B3GLCT: variants seen among roughly 807,000 people sequenced by gnomAD.
The protein encoded by B3GLCT is beta-1,3-glucosyltransferase.
A neutral mutation model predicts 63.4 loss-of-function variants in B3GLCT; 65 were observed. The ratio of observed to expected loss-of-function variants is 1.03; its 90% CI spans 0.84 to 1.26. The LOEUF (loss-of-function observed/expected upper bound fraction) is 1.26. B3GLCT is among the 50% of genes most tolerant of loss of function. B3GLCT has a pLI of 0.00. For synonymous variants in B3GLCT, 233 were observed against 219.2 expected (o/e 1.06, Z -0.55); for missense variants, 577 against 604.8 (o/e 0.95, Z 0.48).
chr13:31,200,499 C>T (rs1043623227), intron 1 of B3GLCT, among the ~76,000 whole-genome samples: 2 of 150,304 alleles, frequency 1.3e-5, no homozygotes, highest in African/African-American at 2.4e-5. Flanking sequence ...CCACAGGAAG[C>T]GCGCAGGAAC....
At chr13:31,263,968 T>C (rs1042673923) in intron 7 of B3GLCT, among the ~76,000 whole-genome samples, 14 of 152,188 alleles carry the variant, frequency 9.2e-5, no homozygotes, top group African/African-American at 3.4e-4. Context: ...TTATTTCTTA[T>C]AGTTCTGGAG....
intron 1 of B3GLCT, among the ~76,000 whole-genome samples, chr13:31,209,648 G>A (rs1358797695): frequency 6.6e-6 from 1 of 151,890 alleles, no homozygotes; most frequent in Admixed American, 6.6e-5. Context: ...TTTGTGCAGG[G>A]CAGGCAACCA....
intron 10 of B3GLCT, among the ~76,000 whole-genome samples, chr13:31,284,175 C>T (rs971326450): frequency 2.6e-5 from 4 of 152,182 alleles, no homozygotes; most frequent in Non-Finnish European, 5.9e-5. Context: ...TAATATCAGT[C>T]ATCATATGCA....
chr13:31,208,127 A>G (rs528659912), intron 1 of B3GLCT, among the ~76,000 whole-genome samples: 11 of 152,080 alleles, frequency 7.2e-5, no homozygotes, highest in Admixed American at 3.3e-4. Context: ...AGTACTCTGT[A>G]CTTTGACCTT....
intron 12 of B3GLCT, among the ~76,000 whole-genome samples, chr13:31,302,325 C>A (rs1874262547): frequency 6.6e-6 from 1 of 152,052 alleles, no homozygotes; most frequent in Admixed American, 6.5e-5. Context: ...GGGGAGGAGC[C>A]AAGATGGCCG....
At chr13:31,301,458 T>G (rs1389060912) in intron 12 of B3GLCT, among the ~76,000 whole-genome samples, 1 of 152,226 alleles carries the variant, frequency 6.6e-6, no homozygotes, top group Non-Finnish European at 1.5e-5. Flanking sequence ...AGATAAAATG[T>G]CTCTTCCCAT....
intron 1 of B3GLCT, among the ~76,000 whole-genome samples, chr13:31,209,256 G>T (rs781252854): frequency 1.3e-5 from 2 of 152,142 alleles, no homozygotes; most frequent in African/African-American, 4.8e-5. Context: ...TACCTCTGTC[G>T]CTGGGCTGCA....
chr13:31,248,270 T>C (rs1871280881), intron 6 of B3GLCT, among the ~76,000 whole-genome samples: 1 of 152,220 alleles, frequency 6.6e-6, no homozygotes, highest in African/African-American at 2.4e-5. Context: ...AGCAATAAAC[T>C]TAAGTTGGCT....
At chr13:31,294,834 T>C (rs1566086265) in intron 12 of B3GLCT, among the ~76,000 whole-genome samples, 1 of 152,182 alleles carries the variant, frequency 6.6e-6, no homozygotes, top group Non-Finnish European at 1.5e-5. Flanking sequence ...TCATTCTCTG[T>C]CCAGTTTTGT....
intron 2 of B3GLCT, among the ~76,000 whole-genome samples, chr13:31,217,663 G>A (rs944599604): frequency 5.3e-5 from 8 of 152,214 alleles, no homozygotes; most frequent in Middle Eastern, 3.2e-3. Flanking sequence ...TATATGGCTA[G>A]CCAATTATCC....
intron 1 of B3GLCT, among the ~76,000 whole-genome samples, chr13:31,202,458 C>G (rs1868726159): frequency 6.6e-6 from 1 of 152,314 alleles, no homozygotes; most frequent in East Asian, 1.9e-4. Flanking sequence ...CCACCTCTTA[C>G]AGTTTTAACA....
chr13:31,200,332 C>A (rs1868580096), intron 1 of B3GLCT, among the ~76,000 whole-genome samples, 178 bp downstream of exon 1: 1 of 148,610 alleles, frequency 6.7e-6, no homozygotes, highest in Admixed American at 6.7e-5. Context: ...CCTCTCGCGG[C>A]GCCCAGGTGG....
At chr13:31,216,045 G>A (rs1869545192) in intron 2 of B3GLCT, among the ~76,000 whole-genome samples, 1 of 152,164 alleles carries the variant, frequency 6.6e-6, no homozygotes, top group South Asian at 2.1e-4. Context: ...TGTAAAAAAG[G>A]AAACAGTAGT....
chr13:31,272,084 T>G (rs1872593962), intron 8 of B3GLCT, among the ~76,000 whole-genome samples: 1 of 152,072 alleles, frequency 6.6e-6, no homozygotes, highest in African/African-American at 2.4e-5. Flanking sequence ...ACATGCCTTT[T>G]CCCCCCACCC....
intron 12 of B3GLCT, chr13:31,312,553 G>C (rs1874773124): frequency 6.6e-6 from 1 of 152,134 alleles, no homozygotes; most frequent in African/African-American, 2.4e-5. Flanking sequence ...GTACAAGAAA[G>C]AGACCAAAGA....
intron 1 of B3GLCT, among the ~76,000 whole-genome samples, chr13:31,202,847 A>C (rs1868753126): frequency 6.6e-6 from 1 of 152,166 alleles, no homozygotes; most frequent in African/African-American, 2.4e-5. Context: ...AGCCAGTAGT[A>C]AGGATGGTAG....
chr13:31,244,982 C>G (rs1871132107), intron 4 of B3GLCT, among the ~76,000 whole-genome samples: 1 of 151,890 alleles, frequency 6.6e-6, no homozygotes. Flanking sequence ...TATGGAGATA[C>G]AGAGAGACAG....
intron 12 of B3GLCT, among the ~76,000 whole-genome samples, chr13:31,309,855 A>T: frequency 6.6e-6 from 1 of 152,202 alleles, no homozygotes. Flanking sequence ...AGACCTCCTT[A>T]TTCAGACTTT....
Position 31,200,166 on chromosome 13 carries a change from G to A in B3GLCT, c.70+12G>A. 7.7e-7 allele frequency: 1 copy of A among 1,300,804 alleles called. No individual in the cohort carries two copies. The highest frequency in any genetic ancestry group is 9.9e-7 in the Non-Finnish European group (1 of 1,014,068). 80.6% of individuals were successfully genotyped at this position (1,300,804 alleles called of 1,614,324 possible). On this transcript the variant is annotated intron_variant, in intron 1 of 14. Transcript: ENST00000343307. ...CACCTGCTCCCTGGGTAAGTAGCGG[G>A]CGGCCAGGCGCGCAAGGGCGAGGCG...
Sources: gnomAD v4.1 joint callset for allele counts (sites outside exome capture counted in the v4.1 genomes callset) on GRCh38, gnomAD v4.1.1 for gene constraint, MANE v1.5 for transcripts, NCBI Gene and HGNC (gene_info 2026-07-23, HGNC 2026-07-21) for gene names.